ADAMTS6: variants seen among roughly 807,000 people sequenced by gnomAD.
ADAMTS6 encodes ADAM metallopeptidase with thrombospondin type 1 motif 6, also known as A disintegrin and metalloproteinase with thrombospondin motifs 6.
A neutral mutation model predicts 144.3 loss-of-function variants in ADAMTS6; 23 were observed. That is an observed-to-expected ratio of 0.16 (90% CI 0.11 to 0.23). The LOEUF is 0.23. ADAMTS6 is among the 10% of genes least tolerant of loss of function. The probability of loss-of-function intolerance (pLI) is 1.00; values close to 1 mark genes in which losing one functional copy is unlikely to be tolerated. For missense variants in ADAMTS6, 999 were observed against 1,379.6 expected (o/e 0.72, Z 4.37); for synonymous variants, 444 against 457.5 (o/e 0.97, Z 0.38).
At chr5:65,159,323 G>T (rs1422995723) in intron 24 of ADAMTS6, among the ~76,000 whole-genome samples, 1 of 151,738 alleles carries the variant, frequency 6.6e-6, no homozygotes, top group African/African-American at 2.4e-5. Context: ...TCAAACCCCA[G>T]TTTTTTTTCA....
chr5:65,449,444 G>A (rs906313794), intron 7 of ADAMTS6, among the ~76,000 whole-genome samples: 2 of 151,816 alleles, frequency 1.3e-5, no homozygotes, highest in East Asian at 1.9e-4. Context: ...GTGAAACCTC[G>A]TCTCTACTAA....
At chr5:65,396,561 A>G (rs1379651084) in intron 7 of ADAMTS6, among the ~76,000 whole-genome samples, 1 of 152,144 alleles carries the variant, frequency 6.6e-6, no homozygotes, top group Non-Finnish European at 1.5e-5. Flanking sequence ...TCCAGTCACT[A>G]GAGATTTAGA....
At chr5:65,333,460 A>C (rs1746974736) in intron 8 of ADAMTS6, among the ~76,000 whole-genome samples, 2 of 152,074 alleles carry the variant, frequency 1.3e-5, no homozygotes, top group Non-Finnish European at 2.9e-5. Flanking sequence ...CTGTGGCTAT[A>C]ATATTTTATA....
At chr5:65,422,216 C>T (rs1258126503) in intron 7 of ADAMTS6, among the ~76,000 whole-genome samples, 1 of 152,202 alleles carries the variant, frequency 6.6e-6, no homozygotes, top group Non-Finnish European at 1.5e-5. Context: ...CTCAACATCA[C>T]TAATCAACAG....
intron 9 of ADAMTS6, among the ~76,000 whole-genome samples, chr5:65,310,632 G>A (rs944710500): frequency 6.6e-6 from 1 of 152,150 alleles, no homozygotes; most frequent in Non-Finnish European, 1.5e-5. Context: ...CTAAATCATT[G>A]TCTGTGAAAT....
chr5:65,383,500 T>C (rs1475791367), intron 7 of ADAMTS6, among the ~76,000 whole-genome samples: 1 of 152,120 alleles, frequency 6.6e-6, no homozygotes, highest in Non-Finnish European at 1.5e-5. Context: ...ATCTTAAGAC[T>C]AGAGAATAAT....
At chr5:65,301,522 G>T (rs886916079) in intron 9 of ADAMTS6, among the ~76,000 whole-genome samples, 1 of 152,164 alleles carries the variant, frequency 6.6e-6, no homozygotes, top group African/African-American at 2.4e-5. Flanking sequence ...AGACTTGTAA[G>T]TAAGAGCAAT....
At chr5:65,246,725 G>C (rs1009271891) in intron 14 of ADAMTS6, among the ~76,000 whole-genome samples, 1 of 152,168 alleles carries the variant, frequency 6.6e-6, no homozygotes, top group Non-Finnish European at 1.5e-5. Context: ...GAATGGAAAG[G>C]CTTCAGGGAA....
At chr5:65,418,239 T>C (rs1210529246) in intron 7 of ADAMTS6, among the ~76,000 whole-genome samples, 1 of 152,188 alleles carries the variant, frequency 6.6e-6, no homozygotes, top group Non-Finnish European at 1.5e-5. Flanking sequence ...AAATTTTAAA[T>C]GTAAGACCTC....
chr5:65,447,444 G>GTA (rs2150242495), intron 7 of ADAMTS6, among the ~76,000 whole-genome samples: 1 of 152,064 alleles, frequency 6.6e-6, no homozygotes, highest in African/African-American at 2.4e-5. Context: ...AACATCATTT[G>GTA]TATACCATAA....
intron 3 of ADAMTS6, 84 bp from the exon 4 acceptor site, chr5:65,460,422 T>C: frequency 7.9e-7 from 1 of 1,263,490 alleles, no homozygotes; most frequent in Non-Finnish European, 1.1e-6. Flanking sequence ...TAAAAGTAAA[T>C]GGACACTTCT....
chr5:65,263,399 G>A (rs1257458340), intron 12 of ADAMTS6, among the ~76,000 whole-genome samples: 1 of 148,086 alleles, frequency 6.8e-6, no homozygotes, highest in Non-Finnish European at 1.5e-5. Context: ...TTTTATGATG[G>A]TAATTGCTCT....
At chr5:65,338,584 T>C (rs1230336707) in intron 7 of ADAMTS6, among the ~76,000 whole-genome samples, 1 of 151,512 alleles carries the variant, frequency 6.6e-6, no homozygotes, top group Non-Finnish European at 1.5e-5. Flanking sequence ...AAGCAGCCTT[T>C]TGTCTGAATC....
intron 7 of ADAMTS6, among the ~76,000 whole-genome samples, chr5:65,414,590 A>G (rs1456226308): frequency 6.6e-6 from 1 of 152,210 alleles, no homozygotes; most frequent in Non-Finnish European, 1.5e-5. Context: ...ATATAAAGCC[A>G]TATGAGAGGT....
rs906869837 is a variant in ADAMTS6 at position 65,150,216 on chromosome 5, G to A, written c.*1620C>T. ...CTGAAAGTATTAACCTTACAAAATA[G>A]CCATTTAGTTTTGAGTTTTAGGTGT... On this transcript the variant is annotated 3_prime_UTR_variant, in exon 25 of 25. Coordinates refer to ENST00000381055, the MANE Select transcript of ADAMTS6 (RefSeq NM_197941.4). The A allele has an allele frequency of 6.6e-6, 1 of 152,560 alleles. No individual in the cohort carries two copies. Among genetic ancestry groups the A allele is most frequent in the Non-Finnish European group, 1.5e-5 (1 of 68,030 alleles). The allele number at this position is 152,560 out of a possible 1,614,324, so 9.5% of individuals were successfully genotyped here. A position where few individuals can be genotyped will look rare whatever the true frequency, so the allele number is the denominator to read the frequency against.
At chr5:65,243,468 G>C (rs1284273271) in intron 14 of ADAMTS6, among the ~76,000 whole-genome samples, 4 of 152,018 alleles carry the variant, frequency 2.6e-5, no homozygotes, top group African/African-American at 9.7e-5. Flanking sequence ...GTGGCAGCAG[G>C]TTCACACTCT....
At chr5:65,278,580 T>A (rs1762743558) in intron 11 of ADAMTS6, among the ~76,000 whole-genome samples, 1 of 152,224 alleles carries the variant, frequency 6.6e-6, no homozygotes, top group East Asian at 1.9e-4. Flanking sequence ...TGATGATTAG[T>A]GATGTTGAGC....
chr5:65,414,742 G>A (rs1755357534), intron 7 of ADAMTS6, among the ~76,000 whole-genome samples: 1 of 152,122 alleles, frequency 6.6e-6, no homozygotes, highest in South Asian at 2.1e-4. Flanking sequence ...ACACTTTTAA[G>A]TAACAGGACA....
intron 2 of ADAMTS6, among the ~76,000 whole-genome samples, chr5:65,472,983 A>G (rs1760580464): frequency 6.6e-6 from 1 of 152,168 alleles, no homozygotes; most frequent in African/African-American, 2.4e-5. Context: ...GGACTGGTCC[A>G]TGGAAAACAA....
Sources: gnomAD v4.1 joint callset for allele counts (sites outside exome capture counted in the v4.1 genomes callset) on GRCh38, gnomAD v4.1.1 for gene constraint, MANE v1.5 for transcripts, NCBI Gene and HGNC (gene_info 2026-07-23, HGNC 2026-07-21) for gene names.